UBE2B: variants seen among roughly 807,000 people sequenced by gnomAD.
The protein encoded by UBE2B is ubiquitin-conjugating enzyme E2 B.
In UBE2B, 11 loss-of-function variants were observed where a neutral mutation model predicts 24.6. The ratio of observed to expected loss-of-function variants is 0.45; its 90% CI spans 0.28 to 0.74. The LOEUF (loss-of-function observed/expected upper bound fraction) is 0.74. UBE2B is among the 30% of genes least tolerant of loss of function. The pLI is 0.13. For synonymous variants in UBE2B, 68 were observed against 62.4 expected (o/e 1.09, Z -0.42); for missense variants, 78 against 185.6 (o/e 0.42, Z 3.37).
intron 2 of UBE2B, 163 bp downstream of exon 2, chr5:134,374,626 GC>G: frequency 1.3e-6 from 1 of 797,824 alleles, no homozygotes; most frequent in Non-Finnish European, 2.0e-6. Flanking sequence ...TAGAGTTTTG[GC>G]CCAGCACAGT....
At position 134,392,000 on chromosome 5, in the gene UBE2B, G is replaced by A. The variant is rs1418199123; in HGVS notation, c.*1647G>A. 1 of 152,138 alleles carries A rather than the reference G, an allele frequency of 6.6e-6. No homozygotes were observed. The highest frequency in any genetic ancestry group is 6.6e-5 in the Admixed American group (1 of 15,244). 9.4% of individuals were successfully genotyped at this position (152,138 alleles called of 1,614,324 possible). ...AAGCTATTACTTGGCAAATTCTGAG[G>A]TAAGTGTATGATCTTAGGGAACTTT... On this transcript the variant is annotated 3_prime_UTR_variant, in exon 6 of 6. Transcript: ENST00000265339.
chr5:134,382,357 G>A (rs549482615), intron 4 of UBE2B, among the ~76,000 whole-genome samples: 1 of 152,282 alleles, frequency 6.6e-6, no homozygotes, highest in South Asian at 2.1e-4. Context: ...TGGAGGCTGA[G>A]GTGAGAGGAT....
chr5:134,388,055 C>T (rs1758834835), intron 4 of UBE2B: 3 of 431,416 alleles, frequency 7.0e-6, no homozygotes, highest in Non-Finnish European at 1.3e-5. Context: ...CTGCCTGCCT[C>T]GGCCTCCCAA....
At chr5:134,388,082 G>A (rs973399332) in intron 4 of UBE2B, 10 of 508,650 alleles carry the variant, frequency 2.0e-5, no homozygotes, top group African/African-American at 7.7e-5. Context: ...CAGGACTGGC[G>A]TGAGCCACCG....
chr5:134,378,544 A>G (rs4958232), intron 3 of UBE2B, among the ~76,000 whole-genome samples: 150,949 of 152,334 alleles, frequency 0.99, 74,801 homozygotes, highest in Middle Eastern at 1. Context: ...CATGAGCCAC[A>G]CCCAGCCGAG....
chr5:134,378,947 CAG>C (rs1030983562), intron 3 of UBE2B, among the ~76,000 whole-genome samples: 3 of 142,338 alleles, frequency 2.1e-5, no homozygotes, highest in African/African-American at 7.7e-5. Flanking sequence ...AAAAAAAAAA[CAG>C]TGGGGGGATC....
Position 134,380,678 on chromosome 5 carries a change from T to G in UBE2B, c.152-41T>G, listed in dbSNP as rs766258844. The G allele has an allele frequency of 2.6e-6, 3 of 1,175,902 alleles. No individual in the cohort carries two copies. In the South Asian group the frequency reaches 3.8e-5, roughly 15 times the overall value. 72.8% of individuals were successfully genotyped at this position (1,175,902 alleles called of 1,614,324 possible). On this transcript the variant is annotated intron_variant, in intron 3 of 5. Coordinates refer to ENST00000265339, the MANE Select transcript of UBE2B (RefSeq NM_003337.4). Reference sequence around the variant, plus strand: ...GAGAACTGATGAAGAGATTAAAAAGTCGTGCTTGTCTTTACTATAATTATT... The same window carrying G: ...GAGAACTGATGAAGAGATTAAAAAGGCGTGCTTGTCTTTACTATAATTATT...
intron 4 of UBE2B, among the ~76,000 whole-genome samples, chr5:134,384,349 C>T (rs957212039): frequency 6.6e-6 from 1 of 151,962 alleles, no homozygotes; most frequent in Non-Finnish European, 1.5e-5. Flanking sequence ...CTTCTAGCTG[C>T]CTTTTTTGCT....
chr5:134,371,777 T>C (rs1758436406), intron 1 of UBE2B, 138 bp downstream of exon 1: 3 of 1,334,742 alleles, frequency 2.2e-6, no homozygotes, highest in Non-Finnish European at 3.2e-6. Flanking sequence ...AGCCGGGTCC[T>C]AGCCTCGGCC....
chr5:134,372,196 C>T (rs1352828180), intron 1 of UBE2B, among the ~76,000 whole-genome samples: 2 of 152,204 alleles, frequency 1.3e-5, no homozygotes, highest in African/African-American at 4.8e-5. Flanking sequence ...ACTCTGTCCC[C>T]GCCCGCCTGA....
Position 134,391,651 on chromosome 5 carries a change from C to T in UBE2B, c.*1298C>T, listed in dbSNP as rs1429485050. On this transcript the variant is annotated 3_prime_UTR_variant, in exon 6 of 6. Coordinates refer to ENST00000265339, the MANE Select transcript of UBE2B (RefSeq NM_003337.4). The stretch of plus-strand genomic sequence containing the variant: ...TCTACAGCTTCTATTCATTATGCAA[C>T]GTTTAACATTGATTGGATAAATGCT... The T allele has an allele frequency of 2.0e-5, 3 of 152,400 alleles. No homozygotes were observed. The highest frequency in any genetic ancestry group is 6.6e-5 in the Admixed American group (1 of 15,256). 9.4% of individuals were successfully genotyped at this position (152,400 alleles called of 1,614,324 possible).
At chr5:134,389,928 G>T (rs1057093297) in intron 5 of UBE2B, 1 of 375,516 alleles carries the variant, frequency 2.7e-6, no homozygotes, top group Non-Finnish European at 5.1e-6. Flanking sequence ...GGATCCTCCT[G>T]CCTTGGCCTC....
At chr5:134,379,530 C>T (rs1046231294) in intron 3 of UBE2B, among the ~76,000 whole-genome samples, 1 of 151,382 alleles carries the variant, frequency 6.6e-6, no homozygotes, top group African/African-American at 2.4e-5. Context: ...CCTGTAATCT[C>T]AGCTACCCCA....
intron 4 of UBE2B, 46 bp from the exon 5 acceptor site, chr5:134,388,279 T>G (rs1352547037): frequency 1.3e-6 from 2 of 1,497,014 alleles, no homozygotes; most frequent in East Asian, 2.3e-5. Context: ...CTCTTAACTG[T>G]TAGATATGGC....
At chr5:134,389,551 CTTT>C (rs985767264) in intron 5 of UBE2B, among the ~76,000 whole-genome samples, 1 of 139,472 alleles carries the variant, frequency 7.2e-6, no homozygotes. Context: ...TTTCTTTTTT[CTTT>C]TTTTTTTTTT....
rs753085270 is a variant in UBE2B at position 134,390,332 on chromosome 5, A to G, written c.438A>G (p.Glu146=). The change falls in exon 6 of 6, where the codon GAA becomes GAG. Residue 146 remains glutamate (E), a synonymous_variant. Transcript: ENST00000265339. The surrounding 1 kb of genome is among the most constrained non-coding windows in gnomAD (Gnocchi z 4.6). ...EYEKRVSAIV[E]QSWNDS ...AGAAAAGAGTTTCGGCCATTGTTGAACAAAGCTGGAATGATTCATAATAGA... is the reference window on the plus strand; with the variant it reads ...AGAAAAGAGTTTCGGCCATTGTTGAGCAAAGCTGGAATGATTCATAATAGA... The G allele has an allele frequency of 7.4e-6, 12 of 1,614,116 alleles. No homozygotes were observed. The highest frequency in any genetic ancestry group is 9.3e-6 in the Non-Finnish European group (11 of 1,179,992).
chr5:134,379,820 C>T (rs1561680757), intron 3 of UBE2B, among the ~76,000 whole-genome samples: 1 of 152,100 alleles, frequency 6.6e-6, no homozygotes, highest in South Asian at 2.1e-4. Context: ...ATTAAAGAGA[C>T]AGTTGCAAAT....
At chr5:134,380,615 T>C in intron 3 of UBE2B, 104 bp from the exon 4 acceptor site, 1 of 700,548 alleles carries the variant, frequency 1.4e-6, no homozygotes, top group South Asian at 1.6e-5. Context: ...GTTGACATAC[T>C]AACTTTTATG....
chr5:134,388,716 A>T (rs1449418981), intron 5 of UBE2B, among the ~76,000 whole-genome samples: 1 of 152,076 alleles, frequency 6.6e-6, no homozygotes, highest in Non-Finnish European at 1.5e-5. Flanking sequence ...GTAGATAAGC[A>T]TTGAGTATGT....
Sources: allele counts gnomAD v4.1 joint callset (sites outside exome capture counted in the v4.1 genomes callset), GRCh38; gene constraint gnomAD v4.1.1; non-coding constraint Gnocchi (gnomAD v3.1); transcripts MANE v1.5; gene names NCBI Gene and HGNC (gene_info 2026-07-23, HGNC 2026-07-21).